Variants in CCDC134 observed in about 807,000 individuals in gnomAD.
The protein encoded by CCDC134 is coiled-coil domain containing 134, also known as coiled-coil domain-containing protein 134.
CCDC134 carries 27 observed loss-of-function variants against 25.6 expected under a neutral mutation model. That is an observed-to-expected ratio of 1.05 (90% confidence interval 0.78 to 1.45). The LOEUF (loss-of-function observed/expected upper bound fraction) is 1.45, where lower values mean the gene tolerates loss of function less well. CCDC134 is among the 40% of genes most tolerant of loss of function. The pLI, the probability that CCDC134 is intolerant of heterozygous loss-of-function variation, is 0.00. For missense variants in CCDC134, 261 were observed against 286.7 expected (o/e 0.91, Z 0.65); for synonymous variants, 110 against 115.0 (o/e 0.96, Z 0.28).
chr22:41,806,442 G>C (rs1226236838), intron 1 of CCDC134, among the ~76,000 whole-genome samples: 1 of 151,692 alleles, frequency 6.6e-6, no homozygotes, highest in East Asian at 1.9e-4. Flanking sequence ...GGATGGTCTT[G>C]ATCTCCTGAC....
intron 6 of CCDC134, among the ~76,000 whole-genome samples, chr22:41,815,332 A>C (rs536134928): frequency 1.4e-5 from 2 of 146,214 alleles, no homozygotes; most frequent in African/African-American, 2.6e-5. Context: ...CAGCCTCCCC[A>C]GTAGCTGGGA....
In CCDC134 at chr22:41,825,677, C is replaced by T; in HGVS notation, c.565-21C>T. 6.2e-7 allele frequency: 1 copy of T among 1,613,706 alleles called. No homozygotes were observed. The highest frequency in any genetic ancestry group is 1.3e-5 in the African/African-American group (1 of 75,028). ...CTTTGCTGCCACAGACTAAATCAGA[C>T]TGCTCTTCTCTTCCCTTCAGTTCAT... On this transcript the variant is annotated intron_variant, in intron 6 of 6. Transcript: ENST00000255784. The surrounding 1 kb of genome is among the most constrained non-coding windows in gnomAD (Gnocchi z 4.4).
At chr22:41,801,183 G>A (rs2076541288) in intron 1 of CCDC134, among the ~76,000 whole-genome samples, 2 of 152,146 alleles carry the variant, frequency 1.3e-5, no homozygotes, top group African/African-American at 4.8e-5. Flanking sequence ...TATTCTCCTT[G>A]GCCCCTAAAG....
intron 4 of CCDC134, among the ~76,000 whole-genome samples, chr22:41,811,419 C>A (rs1056242246): frequency 6.6e-6 from 1 of 152,148 alleles, no homozygotes; most frequent in African/African-American, 2.4e-5. Flanking sequence ...AATGCTTGTA[C>A]AGAAACTATT....
At chr22:41,818,256 G>A (rs2076632204) in intron 6 of CCDC134, among the ~76,000 whole-genome samples, 1 of 152,204 alleles carries the variant, frequency 6.6e-6, no homozygotes, top group South Asian at 2.1e-4. Context: ...TTTTCTACCA[G>A]GAAACTTAAT....
chr22:41,819,000 T>C (rs1399854908), intron 6 of CCDC134, among the ~76,000 whole-genome samples: 1 of 152,170 alleles, frequency 6.6e-6, no homozygotes, highest in African/African-American at 2.4e-5. Flanking sequence ...TGAGTCCAGC[T>C]TTATCATAAC....
At position 41,826,005 on chromosome 22, in the gene CCDC134, A is replaced by AT; in HGVS notation, c.*186dup. 3.9e-6 allele frequency: 3 copies of AT among 764,888 alleles called. No homozygotes were observed. The highest frequency in any genetic ancestry group is 6.3e-6 in the Non-Finnish European group (3 of 475,044). The allele number at this position is 764,888 out of a possible 1,614,324, so 47.4% of individuals were successfully genotyped here. A position where few individuals can be genotyped will look rare whatever the true frequency, so the allele number is the denominator to read the frequency against. On this transcript the variant is annotated 3_prime_UTR_variant, in exon 7 of 7. Transcript: ENST00000255784. The stretch of plus-strand genomic sequence containing the variant: ...AAGGGACTGAGCCTCAGATGGCTGG[A>AT]TTTTCTCTCAGGGGCCTCCTGCTGA...
At chr22:41,819,538 T>C (rs2076638568) in intron 6 of CCDC134, among the ~76,000 whole-genome samples, 1 of 152,146 alleles carries the variant, frequency 6.6e-6, no homozygotes, top group Admixed American at 6.5e-5. Context: ...TCCTGCCCCT[T>C]GGGGAAGCAG....
intron 1 of CCDC134, among the ~76,000 whole-genome samples, chr22:41,801,771 C>T (rs949147672): frequency 5.9e-5 from 9 of 152,262 alleles, no homozygotes; most frequent in Admixed American, 2.6e-4. Context: ...GTGGTAGGTA[C>T]TGTCAACCTA....
rs758235657 is a variant in CCDC134, at chr22:41,825,774, A to G, written c.641A>G (p.Lys214Arg). Reference protein sequence around the residue: ...EKRRKKEEKRKEIRKGPRISR... With the variant: ...EKRRKKEEKRREIRKGPRISR... ...CGCCGAAAGAAAGAGGAGAAGCGGAAGGAGATCCGAAAAGGCCCAAGGATC... is the reference window on the plus strand; with the variant it reads ...CGCCGAAAGAAAGAGGAGAAGCGGAGGGAGATCCGAAAAGGCCCAAGGATC... The change falls in exon 7 of 7, where the codon AAG becomes AGG. Residue 214 changes from lysine to arginine, a missense_variant. Physicochemically the swap from Lys to Arg is conservative, Grantham distance 26. Transcript: ENST00000255784. This position sits in a 1 kb window ranked among gnomAD's most constrained non-coding sequence, Gnocchi z 4.4. The G allele has an allele frequency of 6.2e-7, 1 of 1,614,242 alleles. No individual in the cohort carries two copies. Among genetic ancestry groups the G allele is most frequent in the East Asian group, 2.2e-5 (1 of 44,888 alleles).
intron 6 of CCDC134, among the ~76,000 whole-genome samples, chr22:41,817,722 ACT>A (rs1569357281): frequency 7.1e-6 from 1 of 141,824 alleles, no homozygotes; most frequent in Non-Finnish European, 1.5e-5. Flanking sequence ...ACAGAGCAAG[ACT>A]CTGTCTTAAA....
intron 6 of CCDC134, among the ~76,000 whole-genome samples, chr22:41,819,962 TTTATATATATATATATATATATA>T (rs1203436745): frequency 2.2e-5 from 2 of 89,660 alleles, no homozygotes; most frequent in African/African-American, 1.0e-4. Flanking sequence ...GACTTACCAC[TTTATATATATATATATATATATA>T]TATATATATA....
chr22:41,818,567 T>A (rs1217042086), intron 6 of CCDC134, among the ~76,000 whole-genome samples: 3 of 152,210 alleles, frequency 2.0e-5, no homozygotes, highest in Admixed American at 6.5e-5. Flanking sequence ...TTATATTAGC[T>A]GAATTACAGT....
Position 41,831,456 on chromosome 22 carries a change from G to T in CCDC134, c.*5633G>T, listed in dbSNP as rs2076709602. On this transcript the variant is annotated 3_prime_UTR_variant, in exon 7 of 7. Coordinates refer to ENST00000255784, the MANE Select transcript of CCDC134 (RefSeq NM_024821.5). ...CACACCTCGGCCTCCTAAAGTGCTGGAATTACCGGTGTGAGCCACCGCGCC... is the reference window on the plus strand; with the variant it reads ...CACACCTCGGCCTCCTAAAGTGCTGTAATTACCGGTGTGAGCCACCGCGCC... The T allele has an allele frequency of 6.6e-6, 1 of 152,234 alleles. No homozygotes were observed. Among genetic ancestry groups the T allele is most frequent in the Non-Finnish European group, 1.5e-5 (1 of 68,080 alleles). 9.4% of individuals were successfully genotyped at this position (152,234 alleles called of 1,614,324 possible).
chr22:41,809,752 C>A, intron 2 of CCDC134, 127 bp from the exon 3 acceptor site: 1 of 1,225,848 alleles, frequency 8.2e-7, no homozygotes, highest in Non-Finnish European at 1.1e-6. Flanking sequence ...TTCCTGGAGG[C>A]TTCTAGCCCT....
chr22:41,804,016 C>G (rs1201712438), intron 1 of CCDC134, among the ~76,000 whole-genome samples: 1 of 151,866 alleles, frequency 6.6e-6, no homozygotes, highest in East Asian at 1.9e-4. Context: ...ACCTGTAGTC[C>G]TAGTTACTCG....
At chr22:41,814,944 G>A (rs2076615476) in intron 6 of CCDC134, among the ~76,000 whole-genome samples, 1 of 152,134 alleles carries the variant, frequency 6.6e-6, no homozygotes, top group Admixed American at 6.5e-5. Context: ...CTGCCAAGCT[G>A]GAGAAATTCA....
At position 41,802,882 on chromosome 22, in the gene CCDC134, C is replaced by G. The variant is rs1053381954; in HGVS notation, c.-17+2116C>G. On this transcript the variant is annotated intron_variant, in intron 1 of 6. Coordinates refer to ENST00000255784, the MANE Select transcript of CCDC134 (RefSeq NM_024821.5). Reference sequence around the variant, plus strand: ...TGAACCGAGATCGCACCACTGCACTCCAGCCTGGGCGACAGAGCAAGACTC... The same window carrying G: ...TGAACCGAGATCGCACCACTGCACTGCAGCCTGGGCGACAGAGCAAGACTC... Among the ~76,000 whole-genome samples the G allele has an allele frequency of 4.7e-5, 7 of 150,350 alleles. No homozygotes were observed. In the South Asian group the frequency reaches 6.3e-4, roughly 13 times the overall value.
Position 41,808,967 on chromosome 22 carries a change from C to A in CCDC134, c.77C>A (p.Thr26Asn). 1.9e-6 allele frequency: 3 copies of A among 1,614,098 alleles called. No individual in the cohort carries two copies. The highest frequency in any genetic ancestry group is 2.5e-6 in the Non-Finnish European group (3 of 1,179,974). Residue 26 changes from threonine to asparagine, a missense_variant, in exon 2 of 7, where the codon ACC becomes AAC. Thr to Asn is a moderately conservative substitution (Grantham distance 65). Transcript: ENST00000255784. Reference sequence around the variant, plus strand: ...ATGGGAGCCACAGGCACCTTGAGGACCTCCCTGGACCCAAGCCTGGAGATC... The same window carrying A: ...ATGGGAGCCACAGGCACCTTGAGGAACTCCCTGGACCCAAGCCTGGAGATC... The part of the protein sequence containing the change: ...SGMGATGTLR[T>N]SLDPSLEIYK...
Sources: allele counts gnomAD v4.1 joint callset (sites outside exome capture counted in the v4.1 genomes callset), GRCh38; gene constraint gnomAD v4.1.1; non-coding constraint Gnocchi (gnomAD v3.1); transcripts MANE v1.5; gene names NCBI Gene and HGNC (gene_info 2026-07-23, HGNC 2026-07-21).